USP38: variants seen among roughly 807,000 people sequenced by gnomAD.
USP38 encodes the protein ubiquitin specific peptidase 38, also known as ubiquitin carboxyl-terminal hydrolase 38.
In USP38, 49 loss-of-function variants were observed where a neutral mutation model predicts 94.3. That is an observed-to-expected ratio of 0.52 (90% CI 0.41 to 0.66). The LOEUF is 0.66. USP38 is among the 30% of genes least tolerant of loss of function. The pLI is 0.00. For synonymous variants in USP38, 468 were observed against 463.6 expected (o/e 1.01, Z -0.12); for missense variants, 1,128 against 1,229.4 (o/e 0.92, Z 1.23).
intron 8 of USP38, among the ~76,000 whole-genome samples, chr4:143,212,969 A>G (rs1429106664): frequency 1.3e-5 from 2 of 152,168 alleles, no homozygotes; most frequent in East Asian, 1.9e-4. Flanking sequence ...CTGACAGTAA[A>G]TATCAATAAA....
chr4:143,186,274 T>A (rs1731222303), intron 1 of USP38, 142 bp downstream of exon 1: 1 of 790,876 alleles, frequency 1.3e-6, no homozygotes. Flanking sequence ...CCCAAATTTA[T>A]TCACATTCAC....
chr4:143,219,087 C>T lies in USP38; in HGVS notation c.2968-1208C>T, dbSNP rs548354973. On this transcript the variant is annotated intron_variant, in intron 9 of 9. Coordinates refer to ENST00000307017, the MANE Select transcript of USP38 (RefSeq NM_032557.6). ...GCAATTTTAAATGTTGTAAATGACACTGTAGATCACAAAAATGTTTTTAAG... is the reference window on the plus strand; with the variant it reads ...GCAATTTTAAATGTTGTAAATGACATTGTAGATCACAAAAATGTTTTTAAG... Among the ~76,000 whole-genome samples the T allele has an allele frequency of 5.3e-5, 8 of 152,154 alleles. 1 individual carries two copies. The highest frequency in any genetic ancestry group is 1.7e-4 in the African/African-American group (7 of 41,532).
At chr4:143,197,765 T>G in intron 3 of USP38, 58 bp from the exon 4 acceptor site, 2 of 1,218,260 alleles carry the variant, frequency 1.6e-6, no homozygotes, top group Non-Finnish European at 2.4e-6. Flanking sequence ...AAATAACCAC[T>G]GTTGGATTAA....
chr4:143,185,763 G>C lies in USP38; in HGVS notation c.313G>C (p.Asp105His), dbSNP rs373102929. 3 of 1,614,170 alleles carry C rather than the reference G, an allele frequency of 1.9e-6. No individual in the cohort carries two copies. In the East Asian group the frequency reaches 6.7e-5, roughly 36 times the overall value. Residue 105 changes from aspartate to histidine, a missense_variant, in exon 1 of 10, where the codon GAC becomes CAC. Physicochemically the swap from Asp to His is moderately conservative, Grantham distance 81. Coordinates refer to ENST00000307017, the MANE Select transcript of USP38 (RefSeq NM_032557.6). ...SLDRKDVAIL[D>H]YIHNGLKLIM... ...GGACAGGAAGGATGTAGCCATCCTGGACTACATTCACAACGGCCTGAAGCT... is the reference window on the plus strand; with the variant it reads ...GGACAGGAAGGATGTAGCCATCCTGCACTACATTCACAACGGCCTGAAGCT...
In USP38 at chr4:143,220,557, C is replaced by A. The variant is rs933873441; in HGVS notation, c.*101C>A. On this transcript the variant is annotated 3_prime_UTR_variant, in exon 10 of 10. Transcript: ENST00000307017. ...TATCTATCTTTTATTTTTCATTAGA[C>A]CCTTATACTTCAAGAGAACACACTC... 161 of 1,180,814 alleles carry A rather than the reference C, an allele frequency of 1.4e-4. No homozygotes were observed. The highest frequency in any genetic ancestry group is 1.7e-4 in the Non-Finnish European group (153 of 899,578). 73.1% of individuals were successfully genotyped at this position (1,180,814 alleles called of 1,614,324 possible). A position where few individuals can be genotyped will look rare whatever the true frequency, so the allele number is the denominator to read the frequency against.
intron 2 of USP38, among the ~76,000 whole-genome samples, chr4:143,190,603 A>T (rs1041881404): frequency 6.6e-6 from 1 of 152,100 alleles, no homozygotes; most frequent in African/African-American, 2.4e-5. Flanking sequence ...CTGGTCACAA[A>T]CCTATAAGCA....
intron 4 of USP38, among the ~76,000 whole-genome samples, chr4:143,199,562 C>A (rs1467086112): frequency 2.0e-5 from 3 of 152,206 alleles, no homozygotes; most frequent in African/African-American, 7.2e-5. Context: ...AATCACCATA[C>A]TGCTTTCCAC....
intron 1 of USP38, among the ~76,000 whole-genome samples, chr4:143,187,126 G>A (rs992602492): frequency 3.3e-5 from 5 of 152,018 alleles, no homozygotes; most frequent in Non-Finnish European, 5.9e-5. Context: ...TATTGCCTGT[G>A]TTGTCATAAC....
chr4:143,187,576 A>ACTAACCAT (rs1400507774), intron 1 of USP38, among the ~76,000 whole-genome samples: 1 of 152,208 alleles, frequency 6.6e-6, no homozygotes, highest in African/African-American at 2.4e-5. Context: ...TAACTTATGG[A>ACTAACCAT]CTAACCATAT....
chr4:143,187,720 G>C, intron 1 of USP38, 106 bp from the exon 2 acceptor site: 1 of 1,235,392 alleles, frequency 8.1e-7, no homozygotes, highest in Non-Finnish European at 1.1e-6. Context: ...ATCCTTCCTA[G>C]TTAACACCTT....
intron 4 of USP38, 86 bp from the exon 5 acceptor site, chr4:143,203,322 T>C (rs1210916331): frequency 1.5e-6 from 2 of 1,315,830 alleles, no homozygotes; most frequent in Non-Finnish European, 2.1e-6. Context: ...CTGCTGATCA[T>C]ATATCGTTTG....
rs563389311 is a variant in USP38, at chr4:143,207,737, C to G, written c.1403+1511C>G. On this transcript the variant is annotated intron_variant, in intron 6 of 9. Transcript: ENST00000307017. ...TACTAGGCATAAGACTGAAAGAATC[C>G]CCATCTTACCACCAGAGGTCATCTA... Among the ~76,000 whole-genome samples, 11 of 151,676 alleles carry G rather than the reference C, an allele frequency of 7.3e-5. No individual in the cohort carries two copies. The South Asian group carries it at 1.5e-3, about 20-fold the overall frequency.
chr4:143,220,643 C>A lies in USP38; in HGVS notation c.*187C>A. 3 of 564,418 alleles carry A rather than the reference C, an allele frequency of 5.3e-6. No homozygotes were observed. Among genetic ancestry groups the A allele is most frequent in the Non-Finnish European group, 7.9e-6 (3 of 380,496 alleles). The allele number at this position is 564,418 out of a possible 1,614,324, so 35.0% of individuals were successfully genotyped here. ...CAAAATGCATCATGGAAAAAAAAAT[C>A]TACCTCTTAAAATTCCATTTGCTTT... is the stretch of plus-strand genomic sequence containing the variant. On this transcript the variant is annotated 3_prime_UTR_variant, in exon 10 of 10. Transcript: ENST00000307017.
Position 143,185,853 on chromosome 4 carries a change from G to C in USP38, c.403G>C (p.Val135Leu). 1 of 1,614,208 alleles carries C rather than the reference G, an allele frequency of 6.2e-7. No individual in the cohort carries two copies. The highest frequency in any genetic ancestry group is 1.1e-5 in the South Asian group (1 of 91,086). ...SLLQVEVLRM[V>L]CERPEPQLCA... ...CCTGCAGGTAGAGGTGTTACGGATG[G>C]TGTGTGAGAGGCCGGAGCCGCAGCT... Residue 135 changes from valine to leucine, a missense_variant, in exon 1 of 10, where the codon GTG (valine) becomes CTG (leucine). Coordinates refer to ENST00000307017, the MANE Select transcript of USP38 (RefSeq NM_032557.6).
At chr4:143,193,469 G>A (rs1731459012) in intron 2 of USP38, among the ~76,000 whole-genome samples, 1 of 152,140 alleles carries the variant, frequency 6.6e-6, no homozygotes, top group African/African-American at 2.4e-5. Context: ...CTCTGTATAA[G>A]TAGAATGGCC....
Position 143,213,895 on chromosome 4 carries a change from T to C in USP38, c.1919T>C (p.Ile640Thr), listed in dbSNP as rs1166508819. Residue 640 changes from isoleucine to threonine, a missense_variant, in exon 9 of 10, where the codon ATA (isoleucine) becomes ACA (threonine). Coordinates refer to ENST00000307017, the MANE Select transcript of USP38 (RefSeq NM_032557.6). The stretch of plus-strand genomic sequence containing the variant: ...CAAGATCCAGCATCATCACCCAGTA[T>C]ACAAGATGGTGGTCTAATGCAAGCC... ...SVQDPASSPS[I>T]QDGGLMQASV... The C allele has an allele frequency of 1.2e-6, 2 of 1,613,896 alleles. No individual in the cohort carries two copies. The highest frequency in any genetic ancestry group is 1.7e-5 in the Admixed American group (1 of 59,978).
intron 6 of USP38, among the ~76,000 whole-genome samples, chr4:143,206,751 A>G (rs1731879991): frequency 6.6e-6 from 1 of 152,230 alleles, no homozygotes; most frequent in East Asian, 1.9e-4. Context: ...GCCACTTTAA[A>G]GAAATTACTA....
At chr4:143,193,000 T>C (rs1236801895) in intron 2 of USP38, among the ~76,000 whole-genome samples, 3 of 152,202 alleles carry the variant, frequency 2.0e-5, no homozygotes, top group Admixed American at 1.3e-4. Context: ...CCTCTCTCAG[T>C]ACTCTCTTTA....
At position 143,214,634 on chromosome 4, in the gene USP38, C is replaced by A. The variant is rs760405863; in HGVS notation, c.2658C>A (p.Ser886=). Residue 886 remains serine, a synonymous_variant, in exon 9 of 10, where the codon TCC becomes TCA. Transcript: ENST00000307017. The part of the protein sequence containing the change: ...HQSEALALAS[S]QSHLLGRDSP... ...CTGAGGCTCTGGCATTAGCATCCTC[C>A]CAGAGTCATTTACTAGGGAGAGATA... 6.2e-7 allele frequency: 1 copy of A among 1,613,608 alleles called. No homozygotes were observed. The highest frequency in any genetic ancestry group is 1.1e-5 in the South Asian group (1 of 91,064).
Sources: gnomAD v4.1 joint callset for allele counts (sites outside exome capture counted in the v4.1 genomes callset) on GRCh38, gnomAD v4.1.1 for gene constraint, MANE v1.5 for transcripts, NCBI Gene and HGNC (gene_info 2026-07-23, HGNC 2026-07-21) for gene names.